Variants in CHIC2 observed in about 807,000 individuals in gnomAD.
CHIC2 encodes the protein cysteine rich hydrophobic domain 2.
Under a neutral mutation model 25.9 loss-of-function variants are expected in CHIC2, and 14 were observed. The ratio of observed to expected loss-of-function variants is 0.54; its 90% CI spans 0.36 to 0.85. The LOEUF (loss-of-function observed/expected upper bound fraction) is 0.85, where lower values mean the gene tolerates loss of function less well. CHIC2 is among the 40% of genes least tolerant of loss of function. CHIC2 has a pLI of 0.01. For missense variants in CHIC2, 146 were observed against 202.0 expected (o/e 0.72, Z 1.68); for synonymous variants, 70 against 72.0 (o/e 0.97, Z 0.14).
intron 3 of CHIC2, among the ~76,000 whole-genome samples, chr4:54,017,724 G>A (rs554514745): frequency 1.1e-4 from 16 of 152,130 alleles, no homozygotes; most frequent in Non-Finnish European, 1.3e-4. Flanking sequence ...TGTGAATGGC[G>A]TCATGTTACT....
At chr4:54,086,891 GAAGA>G in the CHIC2 span, 1 of 598,410 alleles carries the variant, frequency 1.7e-6, no homozygotes, top group South Asian at 1.8e-5. Flanking sequence ...TTCTTGGAAA[GAAGA>G]AAGATTGTTG....
intron 5 of CHIC2, 137 bp downstream of exon 5, chr4:54,013,700 A>T: frequency 1.3e-6 from 1 of 741,600 alleles, no homozygotes; most frequent in Non-Finnish European, 2.3e-6. Flanking sequence ...TGCATCTGTG[A>T]ACCGTAGAAA....
At chr4:54,061,640 T>C (rs982475072) in intron 1 of CHIC2, among the ~76,000 whole-genome samples, 2 of 152,132 alleles carry the variant, frequency 1.3e-5, no homozygotes, top group Non-Finnish European at 2.9e-5. Context: ...GTTATAGTAA[T>C]ACATATGCAC....
intron 3 of CHIC2, among the ~76,000 whole-genome samples, chr4:54,030,079 T>C (rs915533639): frequency 3.9e-5 from 6 of 152,106 alleles, no homozygotes; most frequent in Non-Finnish European, 7.4e-5. Context: ...TACAGTGAAC[T>C]GGATTACCAT....
chr4:54,044,357 G>A (rs1480535121), intron 3 of CHIC2, among the ~76,000 whole-genome samples: 9 of 152,038 alleles, frequency 5.9e-5, no homozygotes, highest in Non-Finnish European at 8.8e-5. Context: ...CATTCCTTTC[G>A]GCACCACACC....
At chr4:54,041,771 G>A (rs891432982) in intron 3 of CHIC2, among the ~76,000 whole-genome samples, 2 of 151,624 alleles carry the variant, frequency 1.3e-5, no homozygotes, top group Non-Finnish European at 2.9e-5. Context: ...GCATTCATAG[G>A]CTTCCCTAAA....
chr4:54,020,503 G>A (rs913514517), intron 3 of CHIC2, among the ~76,000 whole-genome samples: 5 of 152,098 alleles, frequency 3.3e-5, no homozygotes, highest in Non-Finnish European at 5.9e-5. Context: ...ACACTGACGC[G>A]TGAGACATTT....
chr4:54,064,468 C>T lies in CHIC2; in HGVS notation c.-168G>A. The T allele has an allele frequency of 6.8e-7, 1 of 1,460,546 alleles. No homozygotes were observed. The highest frequency in any genetic ancestry group is 2.8e-5 in the Admixed American group (1 of 35,420). The allele number at this position is 1,460,546 out of a possible 1,614,324, so 90.5% of individuals were successfully genotyped here. A position where few individuals can be genotyped will look rare whatever the true frequency, so the allele number is the denominator to read the frequency against. ...GCTCCGGCTACAGAGGGGATGGGGT[C>T]TGGACCGTCGCCGCCACCGCCGCCG... On this transcript the variant is annotated 5_prime_UTR_variant, in exon 1 of 6. Transcript: ENST00000263921. This position sits in a 1 kb window ranked among gnomAD's most constrained non-coding sequence, Gnocchi z 4.2.
Position 54,009,944 on chromosome 4 carries a change from T to C in CHIC2, c.*151A>G, listed in dbSNP as rs1413291254. ...TTGACAAAAATGCACACTTAGAACA[T>C]GCGGTTATTTAAAAAAAAAACAAAA... On this transcript the variant is annotated 3_prime_UTR_variant, in exon 6 of 6. Transcript: ENST00000263921. 5 of 511,886 alleles carry C rather than the reference T, an allele frequency of 9.8e-6. No homozygotes were observed. Among genetic ancestry groups the C allele is most frequent in the African/African-American group, 6.3e-5 (3 of 47,970 alleles). The allele number at this position is 511,886 out of a possible 1,614,324, so 31.7% of individuals were successfully genotyped here.
chr4:54,066,419 C>T (rs932577079), upstream of CHIC2, among the ~76,000 whole-genome samples: 3 of 152,132 alleles, frequency 2.0e-5, no homozygotes, highest in South Asian at 2.1e-4. Context: ...GCTTATAAAG[C>T]ACGTACATAA....
chr4:54,046,621 T>C (rs1185351609), intron 3 of CHIC2, among the ~76,000 whole-genome samples: 2 of 152,278 alleles, frequency 1.3e-5, no homozygotes, highest in East Asian at 3.9e-4. Flanking sequence ...ACTGGATCCC[T>C]TCCTTACACC....
chr4:54,014,215 C>CA lies in CHIC2; in HGVS notation c.331-97dup, dbSNP rs1263501661. ...CTGTGAAAAGGGGAGAGGTATAAGA[C>CA]AGTGACTGAGTATAGTGTGGTGTGC... On this transcript the variant is annotated intron_variant, in intron 3 of 5. Transcript: ENST00000263921. 5 of 948,140 alleles carry CA rather than the reference C, an allele frequency of 5.3e-6. No individual in the cohort carries two copies. In the African/African-American group the frequency reaches 8.1e-5, roughly 15 times the overall value. 58.7% of individuals were successfully genotyped at this position (948,140 alleles called of 1,614,324 possible).
upstream of CHIC2, chr4:54,064,676 G>A (rs1717461872): frequency 9.7e-7 from 1 of 1,027,626 alleles, no homozygotes; most frequent in East Asian, 6.2e-5. The surrounding 1 kb of genome is among the most constrained non-coding windows in gnomAD (Gnocchi z 4.2). Context: ...CGGGCCAACG[G>A]GCGGGCGGGC....
chr4:54,017,275 T>A (rs995842616), intron 3 of CHIC2, among the ~76,000 whole-genome samples: 2 of 152,094 alleles, frequency 1.3e-5, no homozygotes, highest in Non-Finnish European at 1.5e-5. Context: ...CAAAACAAGC[T>A]GAAGCAAATT....
chr4:54,018,565 C>A (rs1715809553), intron 3 of CHIC2, among the ~76,000 whole-genome samples: 1 of 151,712 alleles, frequency 6.6e-6, no homozygotes, highest in South Asian at 2.1e-4. Flanking sequence ...CATGGTTTTA[C>A]AAAGAAGTGG....
chr4:54,087,144 C>T, the CHIC2 span: 31 of 795,816 alleles, frequency 3.9e-5, no homozygotes, highest in Non-Finnish European at 5.1e-5. Flanking sequence ...GTGAGGAAGA[C>T]CAGAAAGAAC....
intron 3 of CHIC2, among the ~76,000 whole-genome samples, chr4:54,047,565 C>G (rs563139081): frequency 6.7e-6 from 1 of 149,418 alleles, no homozygotes; most frequent in South Asian, 2.1e-4. Flanking sequence ...AACCAAACAC[C>G]GCATATTCTC....
At chr4:54,037,492 G>A (rs1212252516) in intron 3 of CHIC2, among the ~76,000 whole-genome samples, 1 of 152,146 alleles carries the variant, frequency 6.6e-6, no homozygotes, top group Non-Finnish European at 1.5e-5. Context: ...GGAAGTTTCT[G>A]GAAATGATGA....
chr4:54,032,413 G>A (rs1240135858), intron 3 of CHIC2, among the ~76,000 whole-genome samples: 2 of 151,900 alleles, frequency 1.3e-5, no homozygotes, highest in African/African-American at 4.8e-5. Context: ...TTGCAGGTGC[G>A]CGCCGCCACG....
Sources: gnomAD v4.1 joint callset for allele counts (sites outside exome capture counted in the v4.1 genomes callset) on GRCh38, gnomAD v4.1.1 for gene constraint, Gnocchi (gnomAD v3.1) non-coding constraint, MANE v1.5 for transcripts, NCBI Gene and HGNC (gene_info 2026-07-23, HGNC 2026-07-21) for gene names.